ABCB1: variants seen among roughly 807,000 people sequenced by gnomAD.
ABCB1 encodes ATP-dependent translocase ABCB1.
A neutral mutation model predicts 142.0 loss-of-function variants in ABCB1; 69 were observed. The observed-to-expected ratio is 0.49, with a 90% CI of 0.40 to 0.59. The LOEUF is 0.59. Among genes scored for constraint, ABCB1 ranks in the 20% least tolerant of loss-of-function variants. The pLI, the probability that ABCB1 is intolerant of heterozygous loss-of-function variation, is 0.00. For missense variants in ABCB1, 1,326 were observed against 1,554.7 expected, an observed-to-expected ratio of 0.85 and a Z score of 2.47; for synonymous variants, 532 against 539.2, an observed-to-expected ratio of 0.99 and a Z score of 0.18.
At chr7:87,654,233 A>G (rs1025776565) in intron 1 of ABCB1, among the ~76,000 whole-genome samples, 1 of 152,080 alleles carries the variant, frequency 6.6e-6, no homozygotes, top group Admixed American at 6.6e-5. Context: ...AAAAAAGACA[A>G]TCCTGAAAAT....
chr7:87,506,474 A>C (rs1484146687), intron 26 of ABCB1, among the ~76,000 whole-genome samples: 8 of 152,182 alleles, frequency 5.3e-5, no homozygotes, highest in Non-Finnish European at 1.2e-4. Context: ...GAGGAAAGAC[A>C]TTCTTGGGAT....
intron 1 of ABCB1, among the ~76,000 whole-genome samples, chr7:87,616,334 G>A (rs1820031327): frequency 6.6e-6 from 1 of 152,188 alleles, no homozygotes; most frequent in South Asian, 2.1e-4. Context: ...AAACCTGAAA[G>A]ACTATAAAGC....
At chr7:87,524,571 C>G (rs555055479) in intron 21 of ABCB1, among the ~76,000 whole-genome samples, 1 of 151,684 alleles carries the variant, frequency 6.6e-6, no homozygotes, top group South Asian at 2.1e-4. Flanking sequence ...ACATCACACA[C>G]TGGGGCCTGT....
chr7:87,639,943 C>T (rs955200119), intron 1 of ABCB1, among the ~76,000 whole-genome samples: 7 of 151,290 alleles, frequency 4.6e-5, no homozygotes, highest in African/African-American at 1.7e-4. Context: ...TTGCTTTTTT[C>T]TCTTTTCTTG....
In ABCB1 at chr7:87,504,056, C is replaced by G. The variant is rs2117052547; in HGVS notation, c.*187G>C. The stretch of plus-strand genomic sequence containing the variant: ...TATAATGCAGTTTAAACTATGATTT[C>G]TCTCCACTTGATGATGTCTCTCACT... On this transcript the variant is annotated 3_prime_UTR_variant, in exon 28 of 28. Transcript: ENST00000622132. 1 of 664,524 alleles carries G rather than the reference C, an allele frequency of 1.5e-6. No homozygotes were observed. The highest frequency in any genetic ancestry group is 2.7e-5 in the East Asian group (1 of 36,394). The allele number at this position is 664,524 out of a possible 1,614,324, so 41.2% of individuals were successfully genotyped here.
intron 7 of ABCB1, among the ~76,000 whole-genome samples, chr7:87,562,574 G>T (rs1398755970): frequency 2.0e-5 from 3 of 151,978 alleles, no homozygotes; most frequent in Non-Finnish European, 4.4e-5. Context: ...ATACTTTAAA[G>T]AAATACTTTA....
intron 1 of ABCB1, among the ~76,000 whole-genome samples, chr7:87,609,863 A>G (rs1331169913): frequency 6.6e-6 from 1 of 152,180 alleles, no homozygotes; most frequent in Non-Finnish European, 1.5e-5. Flanking sequence ...TTTGAAAAAA[A>G]AAATGTGAAG....
intron 1 of ABCB1, among the ~76,000 whole-genome samples, chr7:87,624,333 G>A (rs1406489741): frequency 6.6e-6 from 1 of 152,024 alleles, no homozygotes; most frequent in Non-Finnish European, 1.5e-5. Flanking sequence ...CTGGGTTTAT[G>A]GCATATTTAA....
chr7:87,593,350 G>T (rs1819072130), intron 3 of ABCB1, among the ~76,000 whole-genome samples: 1 of 152,090 alleles, frequency 6.6e-6, no homozygotes, highest in East Asian at 1.9e-4. Flanking sequence ...GTTGAAACAA[G>T]GTCTGATATA....
intron 3 of ABCB1, among the ~76,000 whole-genome samples, chr7:87,587,264 A>C (rs1390912729): frequency 6.6e-6 from 1 of 152,162 alleles, no homozygotes; most frequent in African/African-American, 2.4e-5. Flanking sequence ...GATATGAAAA[A>C]ATTTCTCCCA....
chr7:87,697,807 T>C (rs1828626048), intron 1 of ABCB1, among the ~76,000 whole-genome samples: 1 of 152,158 alleles, frequency 6.6e-6, no homozygotes, highest in Non-Finnish European at 1.5e-5. Context: ...CCCAGACTCA[T>C]AAAGTGAACC....
intron 1 of ABCB1, among the ~76,000 whole-genome samples, chr7:87,696,442 A>C (rs577035266): frequency 2.6e-5 from 4 of 152,280 alleles, no homozygotes; most frequent in African/African-American, 9.6e-5. Flanking sequence ...TTCAAATAAT[A>C]TCGCAGATAA....
intron 1 of ABCB1, among the ~76,000 whole-genome samples, chr7:87,698,169 G>A (rs1412964797): frequency 2.6e-5 from 4 of 151,980 alleles, no homozygotes; most frequent in South Asian, 2.1e-4. Context: ...GCACGATCTC[G>A]GCTCACTGCA....
chr7:87,703,627 C>T (rs1282506627), intron 1 of ABCB1, among the ~76,000 whole-genome samples: 1 of 151,918 alleles, frequency 6.6e-6, no homozygotes, highest in Non-Finnish European at 1.5e-5. Flanking sequence ...CGTATTTAAG[C>T]CAGTAAATTT....
At chr7:87,627,076 T>C (rs941937557) in intron 1 of ABCB1, among the ~76,000 whole-genome samples, 3 of 152,110 alleles carry the variant, frequency 2.0e-5, no homozygotes, top group African/African-American at 7.2e-5. Context: ...GCCCAGCCCA[T>C]ATATTTTTAT....
At position 87,506,056 on chromosome 7, in the gene ABCB1, T is replaced by C; in HGVS notation, c.3490-13A>G. On this transcript the variant is annotated splice_polypyrimidine_tract_variant and intron_variant, in intron 26 of 27. Transcript: ENST00000622132. The stretch of plus-strand genomic sequence containing the variant: ...TAGTGCTATATTTCTGTAAATAAGG[T>C]TTTGTTGTTATGAAAGTAGAACTGA... The C allele has an allele frequency of 1.2e-6, 2 of 1,613,372 alleles. No individual in the cohort carries two copies. Among genetic ancestry groups the C allele is most frequent in the South Asian group, 2.2e-5 (2 of 91,070 alleles).
intron 1 of ABCB1, among the ~76,000 whole-genome samples, chr7:87,613,041 G>A (rs1191123595): frequency 1.3e-5 from 2 of 150,438 alleles, no homozygotes; most frequent in African/African-American, 4.9e-5. Context: ...CTATTGTAAG[G>A]GGGATTGGGT....
intron 1 of ABCB1, among the ~76,000 whole-genome samples, chr7:87,637,003 G>T (rs921730035): frequency 1.3e-5 from 2 of 152,148 alleles, no homozygotes; most frequent in Admixed American, 6.5e-5. Context: ...ACCAAGCAAA[G>T]GGGGAAGCCC....
chr7:87,577,108 A>G (rs1026106344), intron 4 of ABCB1, among the ~76,000 whole-genome samples: 1 of 152,042 alleles, frequency 6.6e-6, no homozygotes, highest in Non-Finnish European at 1.5e-5. Context: ...TCATTCTACT[A>G]TCTCTATAAG....
Sources: allele counts gnomAD v4.1 joint callset (sites outside exome capture counted in the v4.1 genomes callset), GRCh38; gene constraint gnomAD v4.1.1; transcripts MANE v1.5; gene names NCBI Gene and HGNC (gene_info 2026-07-23, HGNC 2026-07-21).